Variants in SAMHD1 observed in about 807,000 individuals in gnomAD.
SAMHD1 encodes deoxynucleoside triphosphate triphosphohydrolase SAMHD1.
Under a neutral mutation model 79.6 loss-of-function variants are expected in SAMHD1, and 54 were observed. The ratio of observed to expected loss-of-function variants is 0.68; its 90% CI spans 0.55 to 0.85. SAMHD1 has a LOEUF of 0.85. Ranked by LOEUF, SAMHD1 falls within the 40% of genes least tolerant of loss-of-function variation. The pLI is 0.00. For synonymous variants in SAMHD1, 260 were observed against 264.1 expected (o/e 0.98, Z 0.15); for missense variants, 663 against 782.7 (o/e 0.85, Z 1.82).
At chr20:36,912,000 G>A (rs1314048903) in intron 10 of SAMHD1, 1 of 198,896 alleles carries the variant, frequency 5.0e-6, no homozygotes, top group African/African-American at 2.4e-5. Context: ...TAAAATTCCT[G>A]TTGGTTTTAC....
chr20:36,948,821 C>G (rs2063712332), intron 1 of SAMHD1, among the ~76,000 whole-genome samples: 1 of 138,062 alleles, frequency 7.2e-6, no homozygotes, highest in Admixed American at 7.3e-5. Context: ...GAGCCGAGAT[C>G]ACACCACTGC....
chr20:36,909,680 C>CAAAAA (rs56389967), intron 11 of SAMHD1, among the ~76,000 whole-genome samples: 9 of 121,208 alleles, frequency 7.4e-5, no homozygotes, highest in African/African-American at 1.1e-4. Flanking sequence ...CACCCCCCTC[C>CAAAAA]AAAAAAAAAA....
chr20:36,942,313 G>A (rs1040582219), intron 2 of SAMHD1, among the ~76,000 whole-genome samples: 2 of 152,132 alleles, frequency 1.3e-5, no homozygotes, highest in East Asian at 1.9e-4. Context: ...AGCTACTCGG[G>A]AGGCTGAGGC....
intron 3 of SAMHD1, among the ~76,000 whole-genome samples, chr20:36,938,359 G>C (rs1206124008): frequency 6.6e-6 from 1 of 152,142 alleles, no homozygotes; most frequent in Non-Finnish European, 1.5e-5. Context: ...GGCCAACATG[G>C]TGAAACCCCG....
Position 36,892,643 on chromosome 20 carries a change from A to T in SAMHD1, c.*289T>A. On this transcript the variant is annotated 3_prime_UTR_variant, in exon 16 of 16. Transcript: ENST00000646673. ...CCTTGTCTCTTAAAAAAGAAAAAAA[A>T]TAGAGTTCAGAATAGATAAAAGAGT... 2.4e-6 allele frequency: 1 copy of T among 419,388 alleles called. No homozygotes were observed. The highest frequency in any genetic ancestry group is 4.4e-6 in the Non-Finnish European group (1 of 228,274). 26.0% of individuals were successfully genotyped at this position (419,388 alleles called of 1,614,324 possible).
intron 13 of SAMHD1, 110 bp from the exon 14 acceptor site, chr20:36,898,654 C>T (rs1990243750): frequency 1.2e-6 from 1 of 830,170 alleles, no homozygotes; most frequent in Admixed American, 2.0e-5. Context: ...TAGCTCATGC[C>T]TATAATCCCA....
intron 3 of SAMHD1, among the ~76,000 whole-genome samples, chr20:36,938,410 T>C (rs981183567): frequency 6.6e-6 from 1 of 151,970 alleles, no homozygotes; most frequent in Non-Finnish European, 1.5e-5. Context: ...TGTGGTGGCA[T>C]GCACTGGTAA....
intron 6 of SAMHD1, among the ~76,000 whole-genome samples, chr20:36,924,403 CAG>C (rs1178331139): frequency 2.7e-5 from 4 of 150,136 alleles, no homozygotes; most frequent in East Asian, 2.0e-4. Flanking sequence ...AAAAGAGAGA[CAG>C]AGACAGAAGG....
chr20:36,916,432 G>A, intron 9 of SAMHD1: 1 of 352,376 alleles, frequency 2.8e-6, no homozygotes, highest in Admixed American at 4.3e-5. Context: ...AGGAGTTCAA[G>A]ACTAGCCTGG....
chr20:36,898,635 C>T lies in SAMHD1; in HGVS notation c.1504-91G>A, dbSNP rs569091329. ...GCATAACAAGAAATGGAACAGAGGCCGGGCGCAGTAGCTCATGCCTATAAT... is the reference window on the plus strand; with the variant it reads ...GCATAACAAGAAATGGAACAGAGGCTGGGCGCAGTAGCTCATGCCTATAAT... On this transcript the variant is annotated intron_variant, in intron 13 of 15. Coordinates refer to ENST00000646673, the MANE Select transcript of SAMHD1 (RefSeq NM_015474.4). The T allele has an allele frequency of 6.4e-5, 63 of 988,712 alleles. 1 individual carries two copies. The East Asian group carries it at 1.0e-3, about 16-fold the overall frequency. 61.2% of individuals were successfully genotyped at this position (988,712 alleles called of 1,614,324 possible).
intron 9 of SAMHD1, 63 bp downstream of exon 9, chr20:36,916,659 G>T: frequency 1.7e-6 from 2 of 1,146,544 alleles, no homozygotes; most frequent in Non-Finnish European, 2.7e-6. Context: ...TTGTTAAATG[G>T]TTATTTCCAA....
chr20:36,911,450 A>C (rs927667332), intron 10 of SAMHD1, 117 bp from the exon 11 acceptor site: 20 of 708,052 alleles, frequency 2.8e-5, no homozygotes, highest in Non-Finnish European at 5.1e-5. Flanking sequence ...ACAGTGTTCT[A>C]AAGACAACTG....
At position 36,951,691 on chromosome 20, in the gene SAMHD1, C is replaced by A. The variant is rs2063736460; in HGVS notation, c.-48G>T. 1.2e-6 allele frequency: 2 copies of A among 1,609,334 alleles called. No individual in the cohort carries two copies. Among genetic ancestry groups the A allele is most frequent in the East Asian group, 2.2e-5 (1 of 44,892 alleles). ...AGCAGTCAAGAACCTCGGCGCCGGA[C>A]CCGCGCGCAGGCGCACTGACAGCAG... On this transcript the variant is annotated 5_prime_UTR_variant, in exon 1 of 16. Coordinates refer to ENST00000646673, the MANE Select transcript of SAMHD1 (RefSeq NM_015474.4).
rs1990031078 is a variant in SAMHD1 at position 36,890,355 on chromosome 20, T to TA, written c.*2576dup. On this transcript the variant is annotated 3_prime_UTR_variant, in exon 16 of 16. Transcript: ENST00000646673. ...AGTAACTCTCTAGAGGCTAAGCTGT[T>TA]AAAATTTCCATTTTTATACAAATAG... The TA allele has an allele frequency of 6.9e-6, 1 of 145,590 alleles. No individual in the cohort carries two copies. The allele number at this position is 145,590 out of a possible 1,614,324, so 9.0% of individuals were successfully genotyped here. A position where few individuals can be genotyped will look rare whatever the true frequency, so the allele number is the denominator to read the frequency against.
chr20:36,894,992 C>G (rs1302871275), intron 15 of SAMHD1, among the ~76,000 whole-genome samples: 1 of 151,952 alleles, frequency 6.6e-6, no homozygotes, highest in Non-Finnish European at 1.5e-5. Context: ...CCCACCTCAA[C>G]CTCCCAAAGT....
chr20:36,918,801 CAAAAAAAA>C (rs60403097), intron 7 of SAMHD1, among the ~76,000 whole-genome samples: 20 of 65,428 alleles, frequency 3.1e-4, no homozygotes, highest in Non-Finnish European at 3.8e-4. Context: ...GACTCTATCT[CAAAAAAAA>C]AAAAAAAAAA....
At chr20:36,930,725 T>G in intron 5 of SAMHD1, 35 bp downstream of exon 5, 1 of 1,385,670 alleles carries the variant, frequency 7.2e-7, no homozygotes, top group Non-Finnish European at 1.0e-6. Context: ...ATGTTATGAT[T>G]TTACATAACA....
intron 5 of SAMHD1, among the ~76,000 whole-genome samples, chr20:36,928,599 C>T (rs1473328506): frequency 2.7e-5 from 4 of 150,052 alleles, no homozygotes; most frequent in African/African-American, 7.4e-5. Flanking sequence ...GCAGGAGAAT[C>T]GCTTGAACCC....
At chr20:36,918,801 C>CAAAAAAAAAAAAAA (rs60403097) in intron 7 of SAMHD1, among the ~76,000 whole-genome samples, 5 of 65,422 alleles carry the variant, frequency 7.6e-5, no homozygotes, top group Admixed American at 2.2e-4. Context: ...GACTCTATCT[C>CAAAAAAAAAAAAAA]AAAAAAAAAA....
Sources: allele counts gnomAD v4.1 joint callset (sites outside exome capture counted in the v4.1 genomes callset), GRCh38; gene constraint gnomAD v4.1.1; transcripts MANE v1.5; gene names NCBI Gene and HGNC (gene_info 2026-07-23, HGNC 2026-07-21).